Variants in FOXP1 observed in about 807,000 individuals in gnomAD.
FOXP1 encodes forkhead box protein P1.
A neutral mutation model predicts 98.2 loss-of-function variants in FOXP1; 15 were observed. That is an observed-to-expected ratio of 0.15 (90% CI 0.10 to 0.24). The LOEUF (loss-of-function observed/expected upper bound fraction) is 0.24. Among genes scored for constraint, FOXP1 ranks in the 10% least tolerant of loss-of-function variants. The probability of loss-of-function intolerance (pLI) is 1.00; values close to 1 mark genes in which losing one functional copy is unlikely to be tolerated. For missense variants in FOXP1, 633 were observed against 848.5 expected, an observed-to-expected ratio of 0.75 and a Z score of 3.15; for synonymous variants, 371 against 314.5, an observed-to-expected ratio of 1.18 and a Z score of -1.90.
At chr3:71,311,294 T>C (rs1006628495) in intron 4 of FOXP1, among the ~76,000 whole-genome samples, 5 of 152,190 alleles carry the variant, frequency 3.3e-5, no homozygotes, top group African/African-American at 1.2e-4. Context: ...CTCACTATGT[T>C]GCCCAGGCTG....
At chr3:71,505,141 T>G (rs939744505) in intron 2 of FOXP1, among the ~76,000 whole-genome samples, 2 of 152,110 alleles carry the variant, frequency 1.3e-5, no homozygotes, top group African/African-American at 4.8e-5. Flanking sequence ...AGTAGGAACG[T>G]TTGGAATGGT....
At chr3:71,308,748 A>AGTGTGTGT (rs2074459898) in intron 4 of FOXP1, among the ~76,000 whole-genome samples, 1 of 97,918 alleles carries the variant, frequency 1.0e-5, no homozygotes, top group East Asian at 4.1e-4. Context: ...ATTCTACCAC[A>AGTGTGTGT]ATGTGTGTGT....
At chr3:70,972,079 G>T in intron 18 of FOXP1, 1 of 1,519,452 alleles carries the variant, frequency 6.6e-7, no homozygotes, top group Non-Finnish European at 8.8e-7. Flanking sequence ...GAATATGGCG[G>T]CCACGTTTAA....
At chr3:71,309,134 G>A (rs984709188) in intron 4 of FOXP1, among the ~76,000 whole-genome samples, 2 of 152,022 alleles carry the variant, frequency 1.3e-5, no homozygotes, top group Non-Finnish European at 2.9e-5. Context: ...AATCAGATAG[G>A]CCTCATCCTT....
At chr3:71,015,758 A>G in intron 11 of FOXP1, 105 bp from the exon 12 acceptor site, 1 of 722,042 alleles carries the variant, frequency 1.4e-6, no homozygotes, top group Admixed American at 2.2e-5. Context: ...CCAAATGTGG[A>G]CAAGACAAAT....
At chr3:71,259,195 CA>C (rs1358803352) in intron 5 of FOXP1, among the ~76,000 whole-genome samples, 1 of 152,132 alleles carries the variant, frequency 6.6e-6, no homozygotes, top group Non-Finnish European at 1.5e-5. Flanking sequence ...GCCCCATGGG[CA>C]TGAGTGGGCA....
chr3:71,259,649 A>G (rs191325053), intron 5 of FOXP1, among the ~76,000 whole-genome samples: 136 of 152,334 alleles, frequency 8.9e-4, no homozygotes, highest in African/African-American at 3.2e-3. Context: ...AGTAATGATA[A>G]GAAGAAAAAG....
chr3:71,377,130 G>T (rs1221048666), intron 3 of FOXP1, among the ~76,000 whole-genome samples: 1 of 152,110 alleles, frequency 6.6e-6, no homozygotes, highest in South Asian at 2.1e-4. Context: ...AGTTCAGCGG[G>T]CCACAGACTC....
chr3:71,344,189 C>T (rs1290499), intron 4 of FOXP1, among the ~76,000 whole-genome samples: 16,044 of 152,170 alleles, frequency 0.11, 917 homozygotes, highest in South Asian at 0.18. Flanking sequence ...TTCACAGCTA[C>T]GTTTTAGGGA....
chr3:71,241,064 G>A lies in FOXP1; in HGVS notation c.-11-42672C>T, dbSNP rs1021192763. ...TCTCTACTAAAAATACAAAAAATTA[G>A]CCGGGCATGGTGGCGGGTGCCTGTA... On this transcript the variant is annotated intron_variant, in intron 5 of 20. Coordinates refer to ENST00000649528, the MANE Select transcript of FOXP1 (RefSeq NM_001349338.3). 8.3e-4 allele frequency among the ~76,000 whole-genome samples: 126 copies of A among 151,452 alleles called. 1 individual carries two copies. Among genetic ancestry groups the A allele is most frequent in the South Asian group, 2.3e-3 (11 of 4,806 alleles).
intron 13 of FOXP1, among the ~76,000 whole-genome samples, chr3:70,992,487 A>G (rs922569039): frequency 2.0e-5 from 3 of 152,224 alleles, no homozygotes; most frequent in Non-Finnish European, 4.4e-5. Context: ...TACCAAACTG[A>G]GCATTTATCA....
intron 5 of FOXP1, among the ~76,000 whole-genome samples, chr3:71,298,001 G>A (rs928040591): frequency 1.3e-5 from 2 of 152,148 alleles, no homozygotes; most frequent in Non-Finnish European, 2.9e-5. Flanking sequence ...GAGCATCTTG[G>A]ATTGAGATCA....
intron 3 of FOXP1, among the ~76,000 whole-genome samples, chr3:71,482,311 TAA>T (rs1306893956): frequency 1.3e-5 from 2 of 151,976 alleles, no homozygotes; most frequent in Admixed American, 6.6e-5. Context: ...CTTGAAGTGC[TAA>T]GTTTATTTTT....
intron 5 of FOXP1, among the ~76,000 whole-genome samples, chr3:71,282,464 A>G (rs954400287): frequency 6.6e-6 from 1 of 152,136 alleles, no homozygotes; most frequent in African/African-American, 2.4e-5. Flanking sequence ...TACTGTGCCA[A>G]TCATAAAAAT....
chr3:71,184,746 A>G (rs2062540753), intron 6 of FOXP1, among the ~76,000 whole-genome samples: 1 of 151,534 alleles, frequency 6.6e-6, no homozygotes, highest in Non-Finnish European at 1.5e-5. Flanking sequence ...CATACAGAAT[A>G]GCTGTGTAAC....
chr3:71,397,012 A>ATATATACACATATATATGTG lies in FOXP1; in HGVS notation c.-167-37769_-167-37768insCACATATATATGTGTATATA. Among the ~76,000 whole-genome samples, 301 of 33,578 alleles carry ATATATACACATATATATGTG rather than the reference A, an allele frequency of 9.0e-3. 40 individuals are homozygous for ATATATACACATATATATGTG. Among genetic ancestry groups the ATATATACACATATATATGTG allele is most frequent in the Non-Finnish European group, 0.018 (263 of 14,342 alleles). 22.0% of individuals were successfully genotyped at this position (33,578 alleles called of 152,430 possible). A position where few individuals can be genotyped will look rare whatever the true frequency, so the allele number is the denominator to read the frequency against. ...TATATATACACATATATATGTGTAT[A>ATATATACACATATATATGTG]TATATATATATACATATATATGTGT... On this transcript the variant is annotated intron_variant, in intron 3 of 20. Coordinates refer to ENST00000649528, the MANE Select transcript of FOXP1 (RefSeq NM_001349338.3).
In FOXP1 at chr3:71,325,618, T is replaced by C. The variant is rs545685154; in HGVS notation, c.-72-25738A>G. On this transcript the variant is annotated intron_variant, in intron 4 of 20. Transcript: ENST00000649528. ...CATGGCCCTTGAAGCAGCCTTCATA[T>C]TAAGGGCCTATAAAGAAATCTCCTA... Among the ~76,000 whole-genome samples the C allele has an allele frequency of 3.3e-5, 5 of 152,038 alleles. No homozygotes were observed. In the South Asian group the frequency reaches 1.0e-3, roughly 32 times the overall value.
At chr3:71,434,957 C>A (rs769641421) in intron 3 of FOXP1, among the ~76,000 whole-genome samples, 5 of 151,954 alleles carry the variant, frequency 3.3e-5, no homozygotes, top group African/African-American at 9.7e-5. Context: ...CCGTCTCTCT[C>A]GCCTTTGATC....
chr3:71,253,665 T>C (rs960907589), intron 5 of FOXP1, among the ~76,000 whole-genome samples: 2 of 152,198 alleles, frequency 1.3e-5, no homozygotes, highest in Non-Finnish European at 2.9e-5. Flanking sequence ...GATGTACCTA[T>C]TGTAATTTTA....
Sources: gnomAD v4.1 joint callset for allele counts (sites outside exome capture counted in the v4.1 genomes callset) on GRCh38, gnomAD v4.1.1 for gene constraint, MANE v1.5 for transcripts, NCBI Gene and HGNC (gene_info 2026-07-23, HGNC 2026-07-21) for gene names.